The following RARB variants were observed in gnomAD, a reference collection of about 807,000 sequenced individuals.
The protein encoded by RARB is HBV-activated protein.
In RARB, 17 loss-of-function variants were observed where a neutral mutation model predicts 51.9. The observed-to-expected ratio is 0.33, with a 90% confidence interval of 0.22 to 0.49. The LOEUF is 0.49. Among genes scored for constraint, RARB ranks in the 20% least tolerant of loss-of-function variants. The pLI, the probability that RARB is intolerant of heterozygous loss-of-function variation, is 0.99. For synonymous variants in RARB, 215 were observed against 195.4 expected (o/e 1.10, Z -0.84); for missense variants, 369 against 550.8 (o/e 0.67, Z 3.30).
At chr3:25,388,629 C>A (rs1299252749) in intron 5 of RARB, among the ~76,000 whole-genome samples, 2 of 152,140 alleles carry the variant, frequency 1.3e-5, no homozygotes, top group Non-Finnish European at 2.9e-5. Flanking sequence ...GAAAGAAATG[C>A]TTAAAATTAA....
chr3:25,056,445 A>G (rs569857642), intron 2 of RARB, among the ~76,000 whole-genome samples: 2 of 152,306 alleles, frequency 1.3e-5, no homozygotes, highest in African/African-American at 4.8e-5. Flanking sequence ...TCTAAAATAA[A>G]TGACCTTAAT....
intron 5 of RARB, among the ~76,000 whole-genome samples, chr3:25,361,135 C>G (rs1341024882): frequency 6.6e-6 from 1 of 152,168 alleles, no homozygotes; most frequent in Non-Finnish European, 1.5e-5. Flanking sequence ...TAGGTTTGGT[C>G]TTTTCACATA....
At chr3:25,040,120 T>C (rs1008950239) in intron 2 of RARB, among the ~76,000 whole-genome samples, 1 of 152,098 alleles carries the variant, frequency 6.6e-6, no homozygotes, top group Non-Finnish European at 1.5e-5. Context: ...TGGTCTGAAA[T>C]GTTATTGTGG....
At chr3:25,259,371 T>G (rs1702943089) in intron 5 of RARB, among the ~76,000 whole-genome samples, 1 of 152,140 alleles carries the variant, frequency 6.6e-6, no homozygotes, top group Admixed American at 6.6e-5. Flanking sequence ...TGTACTTTTG[T>G]AAATGTAAAA....
chr3:25,076,867 C>T (rs1319845751), intron 3 of RARB, among the ~76,000 whole-genome samples: 1 of 152,156 alleles, frequency 6.6e-6, no homozygotes, highest in Admixed American at 6.5e-5. Context: ...TTATGAACCA[C>T]AATGCTTCCC....
At chr3:25,327,212 G>A (rs1191299645) in intron 5 of RARB, among the ~76,000 whole-genome samples, 1 of 151,934 alleles carries the variant, frequency 6.6e-6, no homozygotes, top group Non-Finnish European at 1.5e-5. Flanking sequence ...GAAAACGAAT[G>A]GGAAGAAATT....
At chr3:24,888,574 A>C (rs1703310401) in intron 2 of RARB, among the ~76,000 whole-genome samples, 2 of 151,788 alleles carry the variant, frequency 1.3e-5, no homozygotes, top group African/African-American at 4.8e-5. Flanking sequence ...TTTAACACCC[A>C]AGCTTTTTTA....
chr3:25,263,965 C>T (rs781486875), intron 5 of RARB, among the ~76,000 whole-genome samples: 7 of 152,110 alleles, frequency 4.6e-5, no homozygotes, highest in Non-Finnish European at 7.3e-5. Flanking sequence ...TAATAGAAGC[C>T]ATCAAAGGCA....
intron 2 of RARB, among the ~76,000 whole-genome samples, chr3:25,047,639 C>G (rs75659483): frequency 0.043 from 6,511 of 152,242 alleles, 264 homozygotes; most frequent in East Asian, 0.19. Flanking sequence ...GCTAAGTGCT[C>G]TCTCTCAATC....
intron 1 of RARB, among the ~76,000 whole-genome samples, chr3:24,844,910 C>T (rs1702467671): frequency 6.6e-6 from 1 of 152,156 alleles, no homozygotes; most frequent in South Asian, 2.1e-4. Flanking sequence ...CTTTCCAAGT[C>T]TGCTTTGGTC....
At chr3:25,568,077 G>A (rs1475429677) in intron 3 of RARB, among the ~76,000 whole-genome samples, 2 of 152,164 alleles carry the variant, frequency 1.3e-5, no homozygotes, top group Admixed American at 6.5e-5. Flanking sequence ...GTCTCGAGGG[G>A]CCAGTCTGCA....
intron 2 of RARB, among the ~76,000 whole-genome samples, chr3:24,980,822 G>C (rs767418518): frequency 6.6e-6 from 1 of 152,178 alleles, no homozygotes; most frequent in Non-Finnish European, 1.5e-5. Context: ...GAGGAGTTGT[G>C]TTCCTTTGGA....
chr3:25,446,864 A>G (rs1351049431), intron 1 of RARB, among the ~76,000 whole-genome samples: 1 of 151,626 alleles, frequency 6.6e-6, no homozygotes, highest in Non-Finnish European at 1.5e-5. Flanking sequence ...AGGAATATAA[A>G]TGTGTACTTG....
chr3:25,461,431 G>A (rs1220038055), intron 2 of RARB, 90 bp downstream of exon 2: 3 of 1,413,332 alleles, frequency 2.1e-6, no homozygotes, highest in Non-Finnish European at 2.9e-6. Context: ...TGGGCTGGAT[G>A]TGTAACATCA....
intron 5 of RARB, among the ~76,000 whole-genome samples, chr3:25,271,564 G>A (rs1340062849): frequency 6.6e-6 from 1 of 152,144 alleles, no homozygotes; most frequent in African/African-American, 2.4e-5. Context: ...GAGTTTCCAT[G>A]GAAAGGTGGT....
At chr3:25,326,635 A>G (rs952980994) in intron 5 of RARB, among the ~76,000 whole-genome samples, 1 of 152,322 alleles carries the variant, frequency 6.6e-6, no homozygotes, top group East Asian at 1.9e-4. Context: ...TGGTGGTTTC[A>G]TCATTCTTTA....
At chr3:25,248,773 C>T (rs1290687023) in intron 5 of RARB, among the ~76,000 whole-genome samples, 2 of 152,096 alleles carry the variant, frequency 1.3e-5, no homozygotes, top group African/African-American at 2.4e-5. Flanking sequence ...TATCTCCTGG[C>T]TTGTAAGATG....
At chr3:25,309,367 C>T (rs1232944229) in intron 5 of RARB, among the ~76,000 whole-genome samples, 1 of 151,254 alleles carries the variant, frequency 6.6e-6, no homozygotes, top group Admixed American at 6.6e-5. Context: ...TCTCGATCTC[C>T]TGACCTCGTG....
At chr3:25,018,564 C>T (rs182094571) in intron 2 of RARB, among the ~76,000 whole-genome samples, 1 of 152,144 alleles carries the variant, frequency 6.6e-6, no homozygotes, top group East Asian at 1.9e-4. Context: ...TAATAATAGG[C>T]AACTGTTAAA....
Sources: allele counts gnomAD v4.1 joint callset (sites outside exome capture counted in the v4.1 genomes callset), GRCh38; gene constraint gnomAD v4.1.1; transcripts MANE v1.5; gene names NCBI Gene and HGNC (gene_info 2026-07-23, HGNC 2026-07-21).